Variants in ODAD2 observed in about 807,000 individuals in gnomAD.
ODAD2 encodes outer dynein arm-docking complex subunit 2.
A neutral mutation model predicts 106.8 loss-of-function variants in ODAD2; 89 were observed. The observed-to-expected ratio is 0.83, with a 90% CI of 0.70 to 0.99. The LOEUF (loss-of-function observed/expected upper bound fraction) is 0.99. Ranked by LOEUF, ODAD2 falls within the 50% of genes least tolerant of loss-of-function variation. The pLI, the probability that ODAD2 is intolerant of heterozygous loss-of-function variation, is 0.00. For synonymous variants in ODAD2, 404 were observed against 436.2 expected, an observed-to-expected ratio of 0.93 and a Z score of 0.92; for missense variants, 1,168 against 1,238.5, an observed-to-expected ratio of 0.94 and a Z score of 0.85.
chr10:27,856,948 C>T (rs1239284091), intron 19 of ODAD2, among the ~76,000 whole-genome samples: 1 of 152,070 alleles, frequency 6.6e-6, no homozygotes, highest in Non-Finnish European at 1.5e-5. Context: ...GCCTGGACGA[C>T]AAGACCGAAA....
At position 27,985,331 on chromosome 10, in the gene ODAD2, T is replaced by A. The variant is rs1167138773; in HGVS notation, c.383-120A>T. 3.7e-6 allele frequency: 3 copies of A among 820,500 alleles called. No homozygotes were observed. The Admixed American group carries it at 9.3e-5, about 25-fold the overall frequency. The allele number at this position is 820,500 out of a possible 1,614,324, so 50.8% of individuals were successfully genotyped here. On this transcript the variant is annotated intron_variant, in intron 3 of 19. Transcript: ENST00000305242. Reference sequence around the variant, plus strand: ...CAGACGTGTTTCTTTCATTAAGCTTTTTCTAAACGACCCAATTAGAATTCA... The same window carrying A: ...CAGACGTGTTTCTTTCATTAAGCTTATTCTAAACGACCCAATTAGAATTCA...
At position 27,828,676 on chromosome 10, in the gene ODAD2, G is replaced by A. The variant is rs547358917; in HGVS notation, c.3022-16051C>T. On this transcript the variant is annotated intron_variant, in intron 19 of 19. Transcript: ENST00000305242. ...AATAAAAGATATGCACCATTTATTA[G>A]AAAACAATTACCTTGATTATATAAA... 4.1e-4 allele frequency among the ~76,000 whole-genome samples: 63 copies of A among 152,234 alleles called. No homozygotes were observed. In the Middle Eastern group the frequency reaches 0.014, roughly 33 times the overall value.
intron 10 of ODAD2, chr10:27,959,001 C>G: frequency 1.5e-6 from 2 of 1,303,112 alleles, no homozygotes; most frequent in South Asian, 1.2e-5. Flanking sequence ...TGGACCGGGA[C>G]TCTTGGGAAA....
Position 27,995,100 on chromosome 10 carries a change from C to G in ODAD2, c.43G>C (p.Gly15Arg). ...ATTTCGAGGATTCCAGTTCCATGTC[C>G]GGCAGCAGTCCACTGCGTCAATTTC... ...LRKLTQWTAAGHGTGILEITP... is the reference protein window; with the variant it reads ...LRKLTQWTAARHGTGILEITP... Residue 15 changes from glycine (G) to arginine (R), a missense_variant, in exon 2 of 20, where the codon GGA becomes CGA. Physicochemically the swap from Gly to Arg is moderately radical, Grantham distance 125 (BLOSUM62 -2). Transcript: ENST00000305242. 7 of 1,614,046 alleles carry G rather than the reference C, an allele frequency of 4.3e-6. No individual in the cohort carries two copies. Among genetic ancestry groups the G allele is most frequent in the Non-Finnish European group, 5.9e-6 (7 of 1,180,012 alleles).
At chr10:27,959,104 A>G in intron 10 of ODAD2, 1 of 913,542 alleles carries the variant, frequency 1.1e-6, no homozygotes, top group East Asian at 6.6e-5. Context: ...TGGGAGGCCA[A>G]TGTAGGAAGA....
At chr10:27,959,539 T>C (rs1279126534) in intron 10 of ODAD2, among the ~76,000 whole-genome samples, 2 of 152,046 alleles carry the variant, frequency 1.3e-5, no homozygotes, top group African/African-American at 4.8e-5. Flanking sequence ...ACCACTGTGT[T>C]GAACTATGTG....
chr10:27,863,334 C>T (rs1423279601), intron 17 of ODAD2, among the ~76,000 whole-genome samples: 1 of 152,112 alleles, frequency 6.6e-6, no homozygotes, highest in Non-Finnish European at 1.5e-5. Flanking sequence ...AATTATGGCA[C>T]TAAATGGACT....
chr10:27,939,510 G>T (rs751906807), intron 14 of ODAD2, among the ~76,000 whole-genome samples: 45 of 152,090 alleles, frequency 3.0e-4, no homozygotes, highest in Non-Finnish European at 4.1e-4. Flanking sequence ...GAAGCCAGGG[G>T]TTTGAGACCA....
chr10:27,961,128 C>A (rs1239558491), intron 10 of ODAD2, among the ~76,000 whole-genome samples: 2 of 152,108 alleles, frequency 1.3e-5, no homozygotes, highest in Admixed American at 1.3e-4. Flanking sequence ...TTATAATAGT[C>A]CTGTAGTACA....
intron 19 of ODAD2, among the ~76,000 whole-genome samples, chr10:27,825,832 C>T (rs1315681870): frequency 6.6e-6 from 1 of 152,236 alleles, no homozygotes; most frequent in Admixed American, 6.5e-5. Flanking sequence ...ATGTTTCCTA[C>T]ACAATAAGTG....
chr10:27,993,034 G>C (rs567934724), intron 2 of ODAD2, among the ~76,000 whole-genome samples: 33 of 152,196 alleles, frequency 2.2e-4, no homozygotes, highest in African/African-American at 6.7e-4. Context: ...TCCTGCCTCA[G>C]CCTCCCTAGT....
intron 19 of ODAD2, among the ~76,000 whole-genome samples, chr10:27,842,879 GC>G (rs1200875061): frequency 3.3e-5 from 5 of 152,220 alleles, no homozygotes; most frequent in African/African-American, 1.2e-4. Context: ...CTGCTCCTGG[GC>G]ATATACTCAA....
chr10:27,925,805 C>T (rs1215622281), intron 16 of ODAD2, among the ~76,000 whole-genome samples: 2 of 152,174 alleles, frequency 1.3e-5, no homozygotes, highest in South Asian at 2.1e-4. Context: ...ATCCCTATCT[C>T]CACTACTATT....
chr10:27,844,327 G>A (rs916156045), intron 19 of ODAD2, among the ~76,000 whole-genome samples: 2 of 152,344 alleles, frequency 1.3e-5, no homozygotes, highest in East Asian at 3.9e-4. Flanking sequence ...AAGAGGATGT[G>A]GGAGTTCTAA....
At chr10:27,859,488 A>C (rs1839893137) in intron 19 of ODAD2, among the ~76,000 whole-genome samples, 1 of 152,154 alleles carries the variant, frequency 6.6e-6, no homozygotes, top group South Asian at 2.1e-4. Context: ...TCCTCCTAAG[A>C]TGTTTCATAT....
chr10:27,947,797 G>C (rs1422803121), intron 10 of ODAD2, among the ~76,000 whole-genome samples: 3 of 152,168 alleles, frequency 2.0e-5, no homozygotes, highest in African/African-American at 7.2e-5. Flanking sequence ...TAAGCCAAGA[G>C]CCTCCTCCTG....
intron 17 of ODAD2, among the ~76,000 whole-genome samples, chr10:27,883,555 C>T (rs1472759666): frequency 6.6e-6 from 1 of 152,088 alleles, no homozygotes; most frequent in Non-Finnish European, 1.5e-5. Flanking sequence ...TCAAGAGATT[C>T]TGACCCTCAA....
intron 10 of ODAD2, among the ~76,000 whole-genome samples, chr10:27,952,074 C>CAAAAAAAAAAAAAAAAAAAAAAAAAAA (rs71388944): frequency 1.8e-4 from 8 of 44,002 alleles, no homozygotes; most frequent in African/African-American, 3.2e-4. Context: ...GATGCCAACT[C>CAAAAAAAAAAAAAAAAAAAAAAAAAAA]AAAAAAAAAA....
In ODAD2 at chr10:27,944,398, G is replaced by T; in HGVS notation, c.1567C>A (p.His523Asn). The change falls in exon 12 of 20, where the codon CAT (histidine) becomes AAT (asparagine). Residue 523 changes from histidine (H) to asparagine (N), a missense_variant. By Grantham distance (68) the His-to-Asn change is moderately conservative. Around this residue, in one of 3 missense-constraint regions of ODAD2, gnomAD observed 701 missense variants for 712.3 expected, o/e 0.98. Transcript: ENST00000305242. The part of the protein sequence containing the change: ...GSLKILKEIS[H>N]NPQIRQNIVD... ...ATATTCTGTCTGATTTGAGGATTAT[G>T]ACTGATTTCCTTCAGTATTTTTAAT... is the stretch of plus-strand genomic sequence containing the variant. The T allele has an allele frequency of 6.2e-7, 1 of 1,613,850 alleles. No homozygotes were observed. The highest frequency in any genetic ancestry group is 1.1e-5 in the South Asian group (1 of 91,036).
Sources: allele counts gnomAD v4.1 joint callset (sites outside exome capture counted in the v4.1 genomes callset), GRCh38; gene constraint gnomAD v4.1.1; regional missense constraint gnomAD v4.1.1; transcripts MANE v1.5; gene names NCBI Gene and HGNC (gene_info 2026-07-23, HGNC 2026-07-21).